The following ARFIP1 variants were observed in gnomAD, a reference collection of about 807,000 sequenced individuals.
ARFIP1 encodes the protein arfaptin-1.
A neutral mutation model predicts 42.5 loss-of-function variants in ARFIP1; 24 were observed. That is an observed-to-expected ratio of 0.57 (90% CI 0.41 to 0.80). The LOEUF (loss-of-function observed/expected upper bound fraction) is 0.80. Ranked by LOEUF, ARFIP1 falls within the 30% of genes least tolerant of loss-of-function variation. The pLI, the probability that ARFIP1 is intolerant of heterozygous loss-of-function variation, is 0.00. For missense variants in ARFIP1, 354 were observed against 434.0 expected, an observed-to-expected ratio of 0.82 and a Z score of 1.64; for synonymous variants, 141 against 153.7, an observed-to-expected ratio of 0.92 and a Z score of 0.61.
chr4:152,852,701 A>G (rs1303214671), intron 2 of ARFIP1, among the ~76,000 whole-genome samples: 3 of 152,200 alleles, frequency 2.0e-5, no homozygotes, highest in Admixed American at 1.3e-4. Context: ...GTGAGGCTAT[A>G]TAATATTACT....
chr4:152,892,270 T>G (rs1296515323), intron 8 of ARFIP1, among the ~76,000 whole-genome samples: 1 of 152,200 alleles, frequency 6.6e-6, no homozygotes, highest in Non-Finnish European at 1.5e-5. Context: ...TGTAATTTGA[T>G]AATGTCCTAA....
chr4:152,902,868 T>C (rs1308558964), intron 8 of ARFIP1, among the ~76,000 whole-genome samples: 1 of 152,192 alleles, frequency 6.6e-6, no homozygotes, highest in Non-Finnish European at 1.5e-5. Flanking sequence ...AGGTTGACTT[T>C]TACAAGGTCA....
At chr4:152,900,170 G>A (rs548392462) in intron 8 of ARFIP1, among the ~76,000 whole-genome samples, 22 of 152,128 alleles carry the variant, frequency 1.4e-4, no homozygotes, top group African/African-American at 4.6e-4. Flanking sequence ...AGAGGGAGAA[G>A]GGAGGGAGGG....
At position 152,870,788 on chromosome 4, in the gene ARFIP1, C is replaced by T. The variant is rs1578976416; in HGVS notation, c.238C>T (p.Pro80Ser). The change falls in exon 4 of 9, where the codon CCT becomes TCT. Residue 80 changes from proline to serine, a missense_variant. By Grantham distance (74) the Pro-to-Ser change is moderately conservative. Coordinates refer to ENST00000353617, the MANE Select transcript of ARFIP1 (RefSeq NM_001025595.3). Reference protein sequence around the residue: ...PAPPLPSVMSPSRVAASRLAQ... With the variant: ...PAPPLPSVMSSSRVAASRLAQ... ...ACCGCCACTGCCATCTGTTATGTCT[C>T]CTAGCAGGGTTGCAGCTAGTCGACT... The T allele has an allele frequency of 6.2e-7, 1 of 1,614,106 alleles. No individual in the cohort carries two copies. The highest frequency in any genetic ancestry group is 1.1e-5 in the South Asian group (1 of 91,080).
chr4:152,790,756 C>T (rs1295861292), intron 1 of ARFIP1, among the ~76,000 whole-genome samples: 2 of 107,724 alleles, frequency 1.9e-5, no homozygotes, highest in Admixed American at 1.2e-4. Context: ...TTTTTTGAGG[C>T]AGAATCTCAA....
chr4:152,794,584 G>A (rs1316228171), intron 1 of ARFIP1, among the ~76,000 whole-genome samples: 1 of 152,122 alleles, frequency 6.6e-6, no homozygotes, highest in Non-Finnish European at 1.5e-5. Context: ...TAAGTATCTT[G>A]TTGGAGCTAC....
At chr4:152,802,379 G>A (rs1578826953) in intron 1 of ARFIP1, among the ~76,000 whole-genome samples, 1 of 152,042 alleles carries the variant, frequency 6.6e-6, no homozygotes, top group Non-Finnish European at 1.5e-5. Context: ...GGAATTGACT[G>A]AACTTAAGAA....
rs544302879 is a variant in ARFIP1 at position 152,835,424 on chromosome 4, G to A, written c.93+5698G>A. 4.6e-5 allele frequency among the ~76,000 whole-genome samples: 7 copies of A among 152,312 alleles called. No individual in the cohort carries two copies. In the South Asian group the frequency reaches 1.0e-3, roughly 23 times the overall value. ...TAGGACATGAATGCAGTGCAGCCAAGCTCTTTGCTAGGGTATACCATGGGT... is the reference window on the plus strand; with the variant it reads ...TAGGACATGAATGCAGTGCAGCCAAACTCTTTGCTAGGGTATACCATGGGT... On this transcript the variant is annotated intron_variant, in intron 2 of 8. Coordinates refer to ENST00000353617, the MANE Select transcript of ARFIP1 (RefSeq NM_001025595.3).
At chr4:152,846,532 T>C (rs1054104380) in intron 2 of ARFIP1, among the ~76,000 whole-genome samples, 1 of 152,212 alleles carries the variant, frequency 6.6e-6, no homozygotes, top group Non-Finnish European at 1.5e-5. Flanking sequence ...CCTCAAGATC[T>C]TTTAAGCATC....
chr4:152,894,243 G>A (rs1737119563), intron 8 of ARFIP1, among the ~76,000 whole-genome samples: 1 of 150,426 alleles, frequency 6.6e-6, no homozygotes, highest in African/African-American at 2.4e-5. Context: ...AATGCTCAAA[G>A]CCTAGTACTT....
At chr4:152,849,838 A>G (rs1732842330) in intron 2 of ARFIP1, among the ~76,000 whole-genome samples, 1 of 152,344 alleles carries the variant, frequency 6.6e-6, no homozygotes, top group East Asian at 1.9e-4. Context: ...AGTGATGACA[A>G]GGTCTAAGAG....
intron 8 of ARFIP1, among the ~76,000 whole-genome samples, chr4:152,895,294 A>C (rs756312321): frequency 6.6e-6 from 1 of 152,212 alleles, no homozygotes; most frequent in Non-Finnish European, 1.5e-5. Flanking sequence ...AAACAAATAT[A>C]GGTAAAACAG....
At chr4:152,823,051 G>A (rs1193125486) in intron 1 of ARFIP1, among the ~76,000 whole-genome samples, 1 of 151,870 alleles carries the variant, frequency 6.6e-6, no homozygotes, top group Non-Finnish European at 1.5e-5. Context: ...ACAAAGATCA[G>A]AGCATAATTA....
At chr4:152,895,306 A>T (rs1223329431) in intron 8 of ARFIP1, among the ~76,000 whole-genome samples, 1 of 152,204 alleles carries the variant, frequency 6.6e-6, no homozygotes, top group Non-Finnish European at 1.5e-5. Context: ...GTAAAACAGT[A>T]ACACAGACTG....
chr4:152,909,104 T>G (rs1479046421), intron 8 of ARFIP1, among the ~76,000 whole-genome samples: 7 of 152,152 alleles, frequency 4.6e-5, no homozygotes, highest in Non-Finnish European at 8.8e-5. Context: ...ACCTCAGATG[T>G]CCGGGCTTGG....
Position 152,881,145 on chromosome 4 carries a change from T to A in ARFIP1, c.594T>A (p.Asp198Glu), listed in dbSNP as rs1261206397. Residue 198 changes from aspartate to glutamate, a missense_variant, in exon 6 of 9, where the codon GAT (aspartate) becomes GAA (glutamate). Coordinates refer to ENST00000353617, the MANE Select transcript of ARFIP1 (RefSeq NM_001025595.3). ...QMVHTQRQLGDAFADLSLKSL... is the reference protein window; with the variant it reads ...QMVHTQRQLGEAFADLSLKSL... ...TACATACCCAAAGGCAACTTGGAGA[T>A]GCATTTGCTGACCTGAGTTTGAAGT... The A allele has an allele frequency of 6.2e-7, 1 of 1,613,590 alleles. No homozygotes were observed. The highest frequency in any genetic ancestry group is 8.5e-7 in the Non-Finnish European group (1 of 1,179,804).
intron 2 of ARFIP1, among the ~76,000 whole-genome samples, chr4:152,834,102 T>C (rs6814879): frequency 0.027 from 4,074 of 152,188 alleles, 99 homozygotes; most frequent in South Asian, 0.11. Flanking sequence ...CCCAGACTCT[T>C]TTAAACAACC....
chr4:152,785,210 T>C (rs1360724391), intron 1 of ARFIP1, among the ~76,000 whole-genome samples: 4 of 152,222 alleles, frequency 2.6e-5, no homozygotes, highest in Non-Finnish European at 4.4e-5. Flanking sequence ...AAGGAATATG[T>C]TACTCTGTTT....
At chr4:152,798,439 G>A (rs1021935575) in intron 1 of ARFIP1, among the ~76,000 whole-genome samples, 3 of 152,082 alleles carry the variant, frequency 2.0e-5, no homozygotes, top group African/African-American at 4.8e-5. Context: ...GTTGGGTTTC[G>A]AATGGGTGTT....
Sources: allele counts gnomAD v4.1 joint callset (sites outside exome capture counted in the v4.1 genomes callset), GRCh38; gene constraint gnomAD v4.1.1; transcripts MANE v1.5; gene names NCBI Gene and HGNC (gene_info 2026-07-23, HGNC 2026-07-21).